Variants in UACA observed in about 807,000 individuals in gnomAD.
UACA encodes nuclear membrane binding protein.
UACA carries 112 observed loss-of-function variants against 160.5 expected under a neutral mutation model. The observed-to-expected ratio is 0.70, with a 90% CI of 0.60 to 0.82. The LOEUF (loss-of-function observed/expected upper bound fraction) is 0.82. Among genes scored for constraint, UACA ranks in the 40% least tolerant of loss-of-function variants. The probability of loss-of-function intolerance (pLI) is 0.00; values close to 1 mark genes in which losing one functional copy is unlikely to be tolerated. For synonymous variants in UACA, 557 were observed against 568.4 expected (o/e 0.98, Z 0.29); for missense variants, 1,574 against 1,614.6 (o/e 0.97, Z 0.43).
At chr15:70,729,780 C>T (rs1307401824) in intron 1 of UACA, among the ~76,000 whole-genome samples, 1 of 140,330 alleles carries the variant, frequency 7.1e-6, no homozygotes, top group African/African-American at 3.0e-5. Flanking sequence ...TCTCCCAGCA[C>T]GCAGCTGGAG....
the UACA span, among the ~76,000 whole-genome samples, chr15:70,775,232 A>T: frequency 6.6e-5 from 10 of 152,260 alleles, no homozygotes; most frequent in African/African-American, 2.4e-4. Flanking sequence ...TGGGGGGCTA[A>T]TTTATAGCAA....
intron 1 of UACA, among the ~76,000 whole-genome samples, chr15:70,737,858 G>A (rs767780889): frequency 5.9e-5 from 9 of 152,178 alleles, no homozygotes; most frequent in African/African-American, 2.2e-4. Context: ...AGTAGAAGTG[G>A]AGCATCAGCC....
intron 1 of UACA, among the ~76,000 whole-genome samples, chr15:70,719,295 T>A (rs1240796704): frequency 6.6e-6 from 1 of 152,156 alleles, no homozygotes; most frequent in Non-Finnish European, 1.5e-5. Context: ...AATTATGACA[T>A]AAACCCAGGG....
chr15:70,708,601 G>A (rs1310324892), intron 1 of UACA, among the ~76,000 whole-genome samples: 1 of 151,772 alleles, frequency 6.6e-6, no homozygotes, highest in African/African-American at 2.4e-5. Flanking sequence ...CCGAGTAGCT[G>A]GGATTACAGG....
chr15:70,743,456 T>C (rs187397954), intron 1 of UACA, among the ~76,000 whole-genome samples: 196 of 152,328 alleles, frequency 1.3e-3, no homozygotes, highest in African/African-American at 4.6e-3. Flanking sequence ...ACCACATCTC[T>C]GGATGTGTAT....
chr15:70,773,349 G>A, the UACA span, among the ~76,000 whole-genome samples: 1 of 152,216 alleles, frequency 6.6e-6, no homozygotes, highest in African/African-American at 2.4e-5. Context: ...AATGGGAGGT[G>A]ATAGGGTGTT....
At chr15:70,750,202 C>A (rs1281541046) in intron 1 of UACA, among the ~76,000 whole-genome samples, 1 of 152,184 alleles carries the variant, frequency 6.6e-6, no homozygotes, top group African/African-American at 2.4e-5. Flanking sequence ...AACCAATCCA[C>A]CTGTCTCCAG....
chr15:70,677,127 G>A lies in UACA; in HGVS notation c.1013C>T (p.Ala338Val). ...QLQLNEEVMV[A>V]DDLESEREKL... ...CCCTACCTCGCTTTCCAGATCATCAGCAACCATAACTTCCTAAATTTAAAA... is the reference window on the plus strand; with the variant it reads ...CCCTACCTCGCTTTCCAGATCATCAACAACCATAACTTCCTAAATTTAAAA... The change falls in exon 12 of 19, where the codon GCT becomes GTT. Residue 338 changes from alanine to valine, a missense_variant. By Grantham distance (64) the Ala-to-Val change is moderately conservative. Transcript: ENST00000322954. 6.2e-7 allele frequency: 1 copy of A among 1,602,650 alleles called. No individual in the cohort carries two copies. The highest frequency in any genetic ancestry group is 1.7e-5 in the Admixed American group (1 of 58,560).
At chr15:70,707,610 T>A (rs577850432) in intron 1 of UACA, among the ~76,000 whole-genome samples, 1 of 152,076 alleles carries the variant, frequency 6.6e-6, no homozygotes, top group Non-Finnish European at 1.5e-5. Context: ...GGCAAAGGAC[T>A]TGAATAGAAA....
chr15:70,769,859 T>C, the UACA span, among the ~76,000 whole-genome samples: 4 of 152,096 alleles, frequency 2.6e-5, no homozygotes, highest in Admixed American at 2.6e-4. Flanking sequence ...TGGCTGGCTG[T>C]GGTGGTGGGC....
chr15:70,661,121 T>A (rs1181836990), intron 17 of UACA: 1 of 152,176 alleles, frequency 6.6e-6, no homozygotes, highest in Non-Finnish European at 1.5e-5. Flanking sequence ...TTTACACTAT[T>A]TTCTTTAGAT....
chr15:70,662,209 C>T (rs1338598493), intron 17 of UACA, among the ~76,000 whole-genome samples: 1 of 152,140 alleles, frequency 6.6e-6, no homozygotes, highest in Non-Finnish European at 1.5e-5. Flanking sequence ...CATTCTTATA[C>T]ACCAATAACA....
intron 14 of UACA, 127 bp from the exon 15 acceptor site, chr15:70,671,218 T>C (rs1397859145): frequency 5.3e-6 from 3 of 565,624 alleles, no homozygotes; most frequent in Admixed American, 3.4e-5. Flanking sequence ...CACAAAAGTA[T>C]CCTCATTCTA....
At position 70,684,259 on chromosome 15, in the gene UACA, T is replaced by C. The variant is rs1467140133; in HGVS notation, c.784+6A>G. The C allele has an allele frequency of 1.3e-6, 2 of 1,597,232 alleles. No individual in the cohort carries two copies. The highest frequency in any genetic ancestry group is 2.3e-5 in the South Asian group (2 of 87,698). On this transcript the variant is annotated splice_donor_region_variant and intron_variant, in intron 8 of 18. Transcript: ENST00000322954. ...GACTTTTCTAGTTACAGAAAACTGC[T>C]GATACCTTTGTTGGTATTTTCCGAT...
intron 4 of UACA, among the ~76,000 whole-genome samples, chr15:70,690,991 G>T (rs980822148): frequency 6.6e-6 from 1 of 151,988 alleles, no homozygotes. Context: ...AAATATACAG[G>T]TCCTATGTTG....
intron 1 of UACA, among the ~76,000 whole-genome samples, chr15:70,744,910 C>T (rs1465137372): frequency 1.3e-5 from 2 of 152,106 alleles, no homozygotes; most frequent in East Asian, 3.9e-4. Flanking sequence ...TCATAACAGC[C>T]ATACAGAGAA....
At chr15:70,696,124 T>C (rs1898119186) in intron 2 of UACA, among the ~76,000 whole-genome samples, 1 of 152,190 alleles carries the variant, frequency 6.6e-6, no homozygotes, top group Admixed American at 6.5e-5. Context: ...AGGATACAGA[T>C]ACACTCTTGT....
chr15:70,683,380 A>C (rs1897584625), intron 8 of UACA, among the ~76,000 whole-genome samples: 1 of 152,044 alleles, frequency 6.6e-6, no homozygotes, highest in South Asian at 2.1e-4. Context: ...AGGGGAAGAA[A>C]ATTTAAAAAG....
At chr15:70,762,493 T>C (rs1235696405) in intron 1 of UACA, among the ~76,000 whole-genome samples, 1 of 152,238 alleles carries the variant, frequency 6.6e-6, no homozygotes. Flanking sequence ...ACAAATTATC[T>C]AAATCACAAC....
Sources: gnomAD v4.1 joint callset for allele counts (sites outside exome capture counted in the v4.1 genomes callset) on GRCh38, gnomAD v4.1.1 for gene constraint, MANE v1.5 for transcripts, NCBI Gene and HGNC (gene_info 2026-07-23, HGNC 2026-07-21) for gene names.